The following PAWR variants were observed in gnomAD, a reference collection of about 807,000 sequenced individuals.
The protein encoded by PAWR is PRKC apoptosis WT1 regulator protein.
A neutral mutation model predicts 32.0 loss-of-function variants in PAWR; 23 were observed. The ratio of observed to expected loss-of-function variants is 0.72; its 90% CI spans 0.52 to 1.02. The LOEUF (loss-of-function observed/expected upper bound fraction) is 1.02. Ranked by LOEUF, PAWR falls within the 50% of genes least tolerant of loss-of-function variation. The pLI, the probability that PAWR is intolerant of heterozygous loss-of-function variation, is 0.00. For synonymous variants in PAWR, 226 were observed against 187.1 expected (o/e 1.21, Z -1.70); for missense variants, 457 against 437.7 (o/e 1.04, Z -0.39).
chr12:79,604,467 A>C lies in PAWR; in HGVS notation c.684-7809T>G, dbSNP rs899151447. The C allele has an allele frequency of 8.4e-6, 9 of 1,075,880 alleles. No individual in the cohort carries two copies. In the Admixed American group the frequency reaches 2.6e-4, roughly 31 times the overall value. 66.6% of individuals were successfully genotyped at this position (1,075,880 alleles called of 1,614,324 possible). ...GGCAGCATTAAGAGATTATAGCTAG[A>C]GGAATTTTCCACTAAAATAGACATT... On this transcript the variant is annotated intron_variant, in intron 4 of 6. Transcript: ENST00000328827.
chr12:79,616,187 T>C (rs569472711), intron 3 of PAWR, among the ~76,000 whole-genome samples: 1 of 152,266 alleles, frequency 6.6e-6, no homozygotes, highest in Non-Finnish European at 1.5e-5. Context: ...AGGCGTATGA[T>C]GTCTGACTAC....
chr12:79,604,489 CATT>C (rs1381249025), intron 4 of PAWR: 7 of 1,093,694 alleles, frequency 6.4e-6, no homozygotes, highest in Non-Finnish European at 7.9e-6. Context: ...CTAAAATAGA[CATT>C]ATAAAGCTTA....
chr12:79,630,646 G>A (rs903423665), intron 2 of PAWR, among the ~76,000 whole-genome samples: 37 of 151,958 alleles, frequency 2.4e-4, no homozygotes, highest in Admixed American at 1.9e-3. Context: ...GACAAATTCC[G>A]TGAAAGACTG....
intron 2 of PAWR, among the ~76,000 whole-genome samples, chr12:79,653,725 C>A (rs1285196268): frequency 6.6e-6 from 1 of 151,058 alleles, no homozygotes; most frequent in East Asian, 2.0e-4. Flanking sequence ...GTGATCCGCC[C>A]GCCTCGGCCT....
At chr12:79,678,120 A>G (rs770074884) in intron 2 of PAWR, among the ~76,000 whole-genome samples, 16 of 152,166 alleles carry the variant, frequency 1.1e-4, no homozygotes, top group Admixed American at 2.6e-4. Flanking sequence ...TTATTCTACT[A>G]TATGTTATTT....
rs201042244 is a variant in PAWR, at chr12:79,637,516, AAAC to A, written c.517-16312_517-16310del. Among the ~76,000 whole-genome samples the A allele has an allele frequency of 2.1e-3, 311 of 150,070 alleles. 3 individuals carry two copies. Among genetic ancestry groups the A allele is most frequent in the African/African-American group, 7.5e-3 (297 of 39,828 alleles). On this transcript the variant is annotated intron_variant, in intron 2 of 6. Coordinates refer to ENST00000328827, the MANE Select transcript of PAWR (RefSeq NM_002583.4). The stretch of plus-strand genomic sequence containing the variant: ...AGCCAAAAGTTACTGTGAGATGATT[AAAC>A]AACAACAACAACATTGAACATTAAA...
At chr12:79,634,733 G>A (rs1366327427) in intron 2 of PAWR, among the ~76,000 whole-genome samples, 1 of 151,876 alleles carries the variant, frequency 6.6e-6, no homozygotes, top group Non-Finnish European at 1.5e-5. Context: ...TAAGTATACT[G>A]AGTCACTTTG....
chr12:79,623,355 T>C (rs760791560), intron 2 of PAWR, among the ~76,000 whole-genome samples: 2 of 152,178 alleles, frequency 1.3e-5, no homozygotes, highest in African/African-American at 4.8e-5. Context: ...AAGACATTGA[T>C]GTCCACTATT....
chr12:79,689,658 C>T, intron 2 of PAWR, 71 bp downstream of exon 2: 1 of 1,500,618 alleles, frequency 6.7e-7, no homozygotes, highest in Non-Finnish European at 8.9e-7. Context: ...CCGGGTAGCT[C>T]CCAGGAGGAA....
At chr12:79,666,356 T>C (rs1436888826) in intron 2 of PAWR, among the ~76,000 whole-genome samples, 2 of 152,184 alleles carry the variant, frequency 1.3e-5, no homozygotes, top group Admixed American at 6.5e-5. Flanking sequence ...ATATAAAATA[T>C]TCCAGGTAAT....
At position 79,675,116 on chromosome 12, in the gene PAWR, G is replaced by A. The variant is rs1165367496; in HGVS notation, c.516+14613C>T. 2.6e-5 allele frequency among the ~76,000 whole-genome samples: 4 copies of A among 152,160 alleles called. No individual in the cohort carries two copies. In the East Asian group the frequency reaches 5.8e-4, roughly 22 times the overall value. The stretch of plus-strand genomic sequence containing the variant: ...CACAGGGCCAGGCACGGTGGCTCAT[G>A]CCTGTAATCACAGCACTTTGGAGGC... On this transcript the variant is annotated intron_variant, in intron 2 of 6. Transcript: ENST00000328827.
rs8176817 is a variant in PAWR at position 79,655,440 on chromosome 12, C to T, written c.517-34233G>A. On this transcript the variant is annotated intron_variant, in intron 2 of 6. Transcript: ENST00000328827. ...CTAAAACATAGGTTCTTATTCCTGG[C>T]TCTCCTTAGAATTCCCTAGGCACTA... 5.1e-4 allele frequency among the ~76,000 whole-genome samples: 78 copies of T among 152,316 alleles called. 1 individual carries two copies. The East Asian group carries it at 0.014, about 27-fold the overall frequency.
chr12:79,622,914 A>G (rs1320794737), intron 2 of PAWR, among the ~76,000 whole-genome samples: 2 of 152,188 alleles, frequency 1.3e-5, no homozygotes, highest in Non-Finnish European at 2.9e-5. Context: ...GTTTTTGACA[A>G]AAGTGAGGAC....
intron 2 of PAWR, among the ~76,000 whole-genome samples, chr12:79,628,511 C>T (rs961415820): frequency 6.6e-6 from 1 of 152,006 alleles, no homozygotes; most frequent in African/African-American, 2.4e-5. Context: ...GAAATGACAA[C>T]TTTTAAGCAC....
chr12:79,630,934 T>C (rs536661056), intron 2 of PAWR, among the ~76,000 whole-genome samples: 2 of 151,746 alleles, frequency 1.3e-5, no homozygotes, highest in Non-Finnish European at 2.9e-5. Context: ...AAAAAGGCCT[T>C]TGCAAAATTT....
chr12:79,636,917 T>G (rs1196926024), intron 2 of PAWR, among the ~76,000 whole-genome samples: 1 of 152,058 alleles, frequency 6.6e-6, no homozygotes, highest in East Asian at 1.9e-4. Context: ...TTGAACAAAT[T>G]TTTGCAAAGT....
In PAWR at chr12:79,613,627, T is replaced by G; in HGVS notation, c.649-18A>C. 6.8e-7 allele frequency: 1 copy of G among 1,468,796 alleles called. No individual in the cohort carries two copies. 91.0% of individuals were successfully genotyped at this position (1,468,796 alleles called of 1,614,324 possible). A position where few individuals can be genotyped will look rare whatever the true frequency, so the allele number is the denominator to read the frequency against. ...GGTGGCTCCTGCAAAGTAAAAATAA[T>G]TATGTATCAGTTTGAGTATGTATGT... On this transcript the variant is annotated intron_variant, in intron 3 of 6. Transcript: ENST00000328827.
At position 79,667,906 on chromosome 12, in the gene PAWR, GT is replaced by G. The variant is rs1305207078; in HGVS notation, c.516+21822del. 8.2e-3 allele frequency: 1,172 copies of G among 142,198 alleles called. 9 individuals carry two copies. Among genetic ancestry groups the G allele is most frequent in the African/African-American group, 0.021 (836 of 39,112 alleles). 8.8% of individuals were successfully genotyped at this position (142,198 alleles called of 1,614,324 possible). ...CCTTTTGTTCATTTGATTTTTCCTT[GT>G]TTTTTTTTTTTTTGAGACGGAGTTT... On this transcript the variant is annotated intron_variant, in intron 2 of 6. Coordinates refer to ENST00000328827, the MANE Select transcript of PAWR (RefSeq NM_002583.4).
chr12:79,689,699 C>G (rs1420050791), intron 2 of PAWR, 30 bp downstream of exon 2: 67 of 1,530,790 alleles, frequency 4.4e-5, no homozygotes, highest in Non-Finnish European at 5.4e-5. Flanking sequence ...CGCCCCGGCC[C>G]GGTCCGGCTG....
Sources: allele counts gnomAD v4.1 joint callset (sites outside exome capture counted in the v4.1 genomes callset), GRCh38; gene constraint gnomAD v4.1.1; transcripts MANE v1.5; gene names NCBI Gene and HGNC (gene_info 2026-07-23, HGNC 2026-07-21).